Variants in CDYL2 observed in about 807,000 individuals in gnomAD.
The protein encoded by CDYL2 is chromodomain Y like 2, also known as chromodomain Y-like protein 2.
Under a neutral mutation model 49.4 loss-of-function variants are expected in CDYL2, and 23 were observed. The ratio of observed to expected loss-of-function variants is 0.47; its 90% CI spans 0.34 to 0.66. The LOEUF (loss-of-function observed/expected upper bound fraction) is 0.66. Among genes scored for constraint, CDYL2 ranks in the 30% least tolerant of loss-of-function variants. The pLI is 0.01. For synonymous variants in CDYL2, 360 were observed against 268.8 expected (o/e 1.34, Z -3.32); for missense variants, 678 against 656.4 (o/e 1.03, Z -0.36).
chr16:80,672,274 A>G (rs12930948), intron 2 of CDYL2, among the ~76,000 whole-genome samples: 7 of 151,712 alleles, frequency 4.6e-5, no homozygotes, highest in Admixed American at 1.3e-4. Context: ...CATACGCTAT[A>G]TTGAGCAGAA....
At chr16:80,759,122 A>ATATATATATGGTT (rs1906431597) in intron 1 of CDYL2, among the ~76,000 whole-genome samples, 1 of 127,854 alleles carries the variant, frequency 7.8e-6, no homozygotes, top group African/African-American at 3.3e-5. Context: ...ATATATATAT[A>ATATATATATGGTT]TATATATATA....
chr16:80,772,887 G>A (rs1445655383), intron 1 of CDYL2, among the ~76,000 whole-genome samples: 42 of 152,094 alleles, frequency 2.8e-4, no homozygotes, highest in Admixed American at 2.8e-3. Flanking sequence ...CATGAAAGTA[G>A]AGAAATAGGA....
chr16:80,741,352 A>C (rs1208931186), intron 1 of CDYL2, among the ~76,000 whole-genome samples: 1 of 151,972 alleles, frequency 6.6e-6, no homozygotes, highest in Non-Finnish European at 1.5e-5. Flanking sequence ...AATGTAAAAA[A>C]AAAATGCACA....
intron 1 of CDYL2, among the ~76,000 whole-genome samples, chr16:80,718,567 G>T (rs545771582): frequency 6.6e-6 from 1 of 152,160 alleles, no homozygotes; most frequent in African/African-American, 2.4e-5. Flanking sequence ...TTACTGCTCC[G>T]TGACAAGGCA....
intron 1 of CDYL2, among the ~76,000 whole-genome samples, chr16:80,783,605 T>A (rs554466288): frequency 6.6e-6 from 1 of 152,316 alleles, no homozygotes; most frequent in African/African-American, 2.4e-5. Flanking sequence ...AACGGATGAA[T>A]GCATAAACAA....
chr16:80,736,006 TC>T (rs1177479163), intron 1 of CDYL2, among the ~76,000 whole-genome samples: 3 of 152,190 alleles, frequency 2.0e-5, no homozygotes, highest in African/African-American at 7.2e-5. Context: ...GGTGGCTCCA[TC>T]CGCTGGACTA....
intron 1 of CDYL2, among the ~76,000 whole-genome samples, chr16:80,701,217 T>C (rs1393379826): frequency 6.6e-6 from 1 of 152,250 alleles, no homozygotes; most frequent in Non-Finnish European, 1.5e-5. Context: ...TATGTCTTAA[T>C]GTACAGTATG....
At chr16:80,703,972 A>C (rs1904324623) in intron 1 of CDYL2, among the ~76,000 whole-genome samples, 1 of 152,224 alleles carries the variant, frequency 6.6e-6, no homozygotes, top group South Asian at 2.1e-4. Flanking sequence ...TCCAAAGTAC[A>C]CACAGGCCAA....
chr16:80,694,480 C>T (rs911155293), intron 1 of CDYL2, among the ~76,000 whole-genome samples: 33 of 114,048 alleles, frequency 2.9e-4, no homozygotes, highest in African/African-American at 9.6e-4. Context: ...AGCCAGGTTT[C>T]TCACTGGCTT....
At chr16:80,756,517 C>G (rs969848010) in intron 1 of CDYL2, among the ~76,000 whole-genome samples, 1 of 151,984 alleles carries the variant, frequency 6.6e-6, no homozygotes, top group Admixed American at 6.6e-5. Flanking sequence ...ATGAACACAA[C>G]TGACAATAAA....
chr16:80,629,188 T>A (rs1907441102), intron 3 of CDYL2, among the ~76,000 whole-genome samples: 1 of 152,092 alleles, frequency 6.6e-6, no homozygotes, highest in South Asian at 2.1e-4. Context: ...TATAAAGGGT[T>A]GACTTGGCCA....
At chr16:80,725,655 C>A (rs1280489374) in intron 1 of CDYL2, among the ~76,000 whole-genome samples, 1 of 152,174 alleles carries the variant, frequency 6.6e-6, no homozygotes, top group Non-Finnish European at 1.5e-5. Flanking sequence ...TCCAGCAGTC[C>A]ACAAGAAACT....
intron 2 of CDYL2, among the ~76,000 whole-genome samples, chr16:80,680,601 A>G (rs1909931480): frequency 6.6e-6 from 1 of 152,236 alleles, no homozygotes; most frequent in Admixed American, 6.5e-5. Context: ...AAACTCGCGT[A>G]GTTTTAGAAA....
intron 1 of CDYL2, among the ~76,000 whole-genome samples, chr16:80,712,005 G>A (rs1169446068): frequency 6.7e-6 from 1 of 149,874 alleles, no homozygotes; most frequent in South Asian, 2.1e-4. Context: ...ATATATGTGT[G>A]TATATATGTG....
chr16:80,779,687 TAAATG>T (rs1159038027), intron 1 of CDYL2, among the ~76,000 whole-genome samples: 1 of 152,122 alleles, frequency 6.6e-6, no homozygotes, highest in Non-Finnish European at 1.5e-5. Flanking sequence ...AGAACACTAT[TAAATG>T]AAGTAAGGAA....
chr16:80,736,710 A>G (rs1186350829), intron 1 of CDYL2, among the ~76,000 whole-genome samples: 1 of 152,250 alleles, frequency 6.6e-6, no homozygotes, highest in Non-Finnish European at 1.5e-5. Context: ...TAGGAGTTCA[A>G]GATGAGACTG....
intron 2 of CDYL2, among the ~76,000 whole-genome samples, chr16:80,676,622 A>G (rs1476389640): frequency 6.6e-6 from 1 of 152,200 alleles, no homozygotes; most frequent in Non-Finnish European, 1.5e-5. Flanking sequence ...AAACAGTCGT[A>G]GTTTTGAGGA....
intron 2 of CDYL2, chr16:80,639,817 T>C (rs377419834): frequency 1.5e-4 from 65 of 432,296 alleles, no homozygotes; most frequent in African/African-American, 1.3e-3. Flanking sequence ...AAAGGGAGAG[T>C]GTAGCAATTG....
At chr16:80,798,367 T>C (rs920007190) in intron 1 of CDYL2, among the ~76,000 whole-genome samples, 4 of 152,248 alleles carry the variant, frequency 2.6e-5, no homozygotes, top group Admixed American at 2.6e-4. Context: ...ATAGGCAGAT[T>C]TCCTTCTGCT....
Sources: gnomAD v4.1 joint callset for allele counts (sites outside exome capture counted in the v4.1 genomes callset) on GRCh38, gnomAD v4.1.1 for gene constraint, MANE v1.5 for transcripts, NCBI Gene and HGNC (gene_info 2026-07-23, HGNC 2026-07-21) for gene names.